SELENOF: variants seen among roughly 807,000 people sequenced by gnomAD.
SELENOF encodes selenoprotein F.
A neutral mutation model predicts 20.5 loss-of-function variants in SELENOF; 16 were observed. The ratio of observed to expected loss-of-function variants is 0.78; its 90% confidence interval spans 0.53 to 1.19. The LOEUF (loss-of-function observed/expected upper bound fraction) is 1.19, where lower values mean the gene tolerates loss of function less well. SELENOF is among the 50% of genes most tolerant of loss of function. SELENOF has a pLI of 0.00. For synonymous variants in SELENOF, 78 were observed against 74.5 expected (o/e 1.05, Z -0.24); for missense variants, 215 against 194.2 (o/e 1.11, Z -0.64).
At position 86,886,406 on chromosome 1, in the gene SELENOF, G is replaced by A. The variant is rs182993574; in HGVS notation, c.253-5681C>T. Among the ~76,000 whole-genome samples, 18 of 151,030 alleles carry A rather than the reference G, an allele frequency of 1.2e-4. No homozygotes were observed. The East Asian group carries it at 2.7e-3, about 23-fold the overall frequency. Reference sequence around the variant, plus strand: ...TCTGAAAAGGTAAACCATAAACATCGACTGAAGCAAGACAAATGTTACAGT... The same window carrying A: ...TCTGAAAAGGTAAACCATAAACATCAACTGAAGCAAGACAAATGTTACAGT... On this transcript the variant is annotated intron_variant, in intron 2 of 4. Coordinates refer to ENST00000331835, the MANE Select transcript of SELENOF (RefSeq NM_004261.5).
intron 2 of SELENOF, among the ~76,000 whole-genome samples, chr1:86,893,300 C>T (rs472653): frequency 0.12 from 17,670 of 152,010 alleles, 1,639 homozygotes; most frequent in African/African-American, 0.26. Context: ...CAGTAAGAAG[C>T]TGAGATGAAA....
At chr1:86,904,452 C>T (rs1319547192) in intron 1 of SELENOF, among the ~76,000 whole-genome samples, 1 of 151,920 alleles carries the variant, frequency 6.6e-6, no homozygotes, top group South Asian at 2.1e-4. Flanking sequence ...ACAATATTCC[C>T]TTCCCTCATC....
At chr1:86,901,276 A>C (rs1338395249) in intron 2 of SELENOF, among the ~76,000 whole-genome samples, 6 of 152,344 alleles carry the variant, frequency 3.9e-5, no homozygotes, top group South Asian at 4.1e-4. Context: ...TCCAGAGAAC[A>C]ATATTGCATA....
At chr1:86,880,564 C>A in intron 3 of SELENOF, 98 bp downstream of exon 3, 10 of 612,182 alleles carry the variant, frequency 1.6e-5, no homozygotes, top group East Asian at 3.3e-5. Context: ...AAGTATAATC[C>A]TAAAAATTCT....
intron 2 of SELENOF, among the ~76,000 whole-genome samples, chr1:86,890,567 G>A (rs505353): frequency 0.12 from 17,623 of 152,034 alleles, 1,637 homozygotes; most frequent in African/African-American, 0.26. Context: ...ATGGATCACT[G>A]TAGCCTCGAC....
At position 86,914,071 on chromosome 1, in the gene SELENOF, G is replaced by A. The variant is rs764151817; in HGVS notation, c.41C>T (p.Pro14Leu). 14 of 1,613,722 alleles carry A rather than the reference G, an allele frequency of 8.7e-6. No homozygotes were observed. Among genetic ancestry groups the A allele is most frequent in the South Asian group, 6.6e-5 (6 of 91,078 alleles). Residue 14 changes from proline (P) to leucine (L), a missense_variant, in exon 1 of 5, where the codon CCG becomes CTG. Transcript: ENST00000331835. ...CAACAACAACCGTAGCCCAAACGCC[G>A]GCACCAGACACCCACTCGGCCCAGC... is the stretch of plus-strand genomic sequence containing the variant. ...MAAGPSGCLV[P>L]AFGLRLLLAT...
chr1:86,893,762 G>A (rs958096627), intron 2 of SELENOF, among the ~76,000 whole-genome samples: 2 of 152,164 alleles, frequency 1.3e-5, no homozygotes, highest in East Asian at 1.9e-4. Flanking sequence ...CTGTTGGAGT[G>A]CATGCAAATA....
At position 86,863,266 on chromosome 1, in the gene SELENOF, A is replaced by T; in HGVS notation, c.*208T>A. The stretch of plus-strand genomic sequence containing the variant: ...TAGTGGTATCAACAAATGCAGGAGG[A>T]TGGACATTTATAAAAAATGGGTTTT... On this transcript the variant is annotated 3_prime_UTR_variant, in exon 5 of 5. Coordinates refer to ENST00000331835, the MANE Select transcript of SELENOF (RefSeq NM_004261.5). The T allele has an allele frequency of 4.7e-6, 2 of 423,094 alleles. No homozygotes were observed. Among genetic ancestry groups the T allele is most frequent in the Non-Finnish European group, 8.3e-6 (2 of 239,720 alleles). The allele number at this position is 423,094 out of a possible 1,614,324, so 26.2% of individuals were successfully genotyped here. A position where few individuals can be genotyped will look rare whatever the true frequency, so the allele number is the denominator to read the frequency against.
At chr1:86,883,366 T>C (rs1301460610) in intron 2 of SELENOF, among the ~76,000 whole-genome samples, 1 of 152,144 alleles carries the variant, frequency 6.6e-6, no homozygotes, top group African/African-American at 2.4e-5. Context: ...GTTAACACAG[T>C]TGTACAACAA....
At chr1:86,886,350 G>A (rs1659217349) in intron 2 of SELENOF, among the ~76,000 whole-genome samples, 1 of 151,868 alleles carries the variant, frequency 6.6e-6, no homozygotes, top group South Asian at 2.1e-4. Flanking sequence ...TAAAACAGTA[G>A]GCTCTTTGTT....
Position 86,887,319 on chromosome 1 carries a change from T to C in SELENOF, c.253-6594A>G, listed in dbSNP as rs1217442010. On this transcript the variant is annotated intron_variant, in intron 2 of 4. Coordinates refer to ENST00000331835, the MANE Select transcript of SELENOF (RefSeq NM_004261.5). ...CATCTTGGAGTGCTTTTTACTAAAT[T>C]CTGAAAAAATACAAAGCAATGAGTT... 4 of 1,130,412 alleles carry C rather than the reference T, an allele frequency of 3.5e-6. No individual in the cohort carries two copies. In the African/African-American group the frequency reaches 6.5e-5, roughly 18 times the overall value. The allele number at this position is 1,130,412 out of a possible 1,614,324, so 70.0% of individuals were successfully genotyped here. A position where few individuals can be genotyped will look rare whatever the true frequency, so the allele number is the denominator to read the frequency against.
At chr1:86,879,374 C>G (rs1021985881) in intron 3 of SELENOF, among the ~76,000 whole-genome samples, 2 of 152,080 alleles carry the variant, frequency 1.3e-5, no homozygotes, top group African/African-American at 4.8e-5. Flanking sequence ...TTTGCTACAT[C>G]AGAATGTGTT....
intron 2 of SELENOF, among the ~76,000 whole-genome samples, chr1:86,894,042 C>T (rs1659456692): frequency 6.6e-6 from 1 of 152,144 alleles, no homozygotes; most frequent in South Asian, 2.1e-4. Context: ...AAATCCCTGA[C>T]CTGCTGAATT....
At chr1:86,885,221 C>G (rs546213536) in intron 2 of SELENOF, among the ~76,000 whole-genome samples, 74 of 152,156 alleles carry the variant, frequency 4.9e-4, no homozygotes, top group African/African-American at 1.8e-3. Context: ...ACTTCTAGTC[C>G]CAATAATTCC....
chr1:86,879,023 GATAATTTAC>G (rs1210996392), intron 3 of SELENOF, among the ~76,000 whole-genome samples: 1 of 152,056 alleles, frequency 6.6e-6, no homozygotes, highest in Non-Finnish European at 1.5e-5. Flanking sequence ...CCCAAGGTTT[GATAATTTAC>G]ATAAGAAATA....
At chr1:86,887,254 T>A in intron 2 of SELENOF, 1 of 1,517,892 alleles carries the variant, frequency 6.6e-7, no homozygotes, top group South Asian at 1.3e-5. Context: ...AGCTGGCAAA[T>A]ATAATTCTCC....
chr1:86,871,794 G>C (rs559100069), intron 3 of SELENOF, among the ~76,000 whole-genome samples: 1 of 147,430 alleles, frequency 6.8e-6, no homozygotes, highest in East Asian at 1.9e-4. Flanking sequence ...AAAAAGATTG[G>C]TATTTGAATA....
At chr1:86,873,992 C>A (rs1320377390) in intron 3 of SELENOF, among the ~76,000 whole-genome samples, 1 of 151,800 alleles carries the variant, frequency 6.6e-6, no homozygotes, top group East Asian at 1.9e-4. Context: ...ATTTTCTTCT[C>A]TACCATTATG....
intron 2 of SELENOF, among the ~76,000 whole-genome samples, chr1:86,899,699 C>A (rs1429536678): frequency 6.6e-6 from 1 of 151,740 alleles, no homozygotes; most frequent in African/African-American, 2.4e-5. Flanking sequence ...TGACCCCCAC[C>A]TCCCTCCCGG....
Sources: gnomAD v4.1 joint callset for allele counts (sites outside exome capture counted in the v4.1 genomes callset) on GRCh38, gnomAD v4.1.1 for gene constraint, MANE v1.5 for transcripts, NCBI Gene and HGNC (gene_info 2026-07-23, HGNC 2026-07-21) for gene names.